MTRF1: variants seen among roughly 807,000 people sequenced by gnomAD.
MTRF1 encodes the protein mitochondrial translation release factor 1, also known as peptide chain release factor 1, mitochondrial.
A neutral mutation model predicts 62.9 loss-of-function variants in MTRF1; 51 were observed. That is an observed-to-expected ratio of 0.81 (90% CI 0.65 to 1.02). The LOEUF (loss-of-function observed/expected upper bound fraction) is 1.02, where lower values mean the gene tolerates loss of function less well. Among genes scored for constraint, MTRF1 ranks in the 50% least tolerant of loss-of-function variants. The probability of loss-of-function intolerance (pLI) is 0.00; values close to 1 mark genes in which losing one functional copy is unlikely to be tolerated. For synonymous variants in MTRF1, 158 were observed against 181.9 expected (o/e 0.87, Z 1.06); for missense variants, 446 against 530.0 (o/e 0.84, Z 1.56).
chr13:41,261,798 C>T (rs1309394847), intron 1 of MTRF1: 2 of 985,016 alleles, frequency 2.0e-6, no homozygotes, highest in African/African-American at 1.7e-5. Flanking sequence ...AATCACTTTT[C>T]AAAAATGCTT....
chr13:41,217,484 A>G (rs73473129), intron 9 of MTRF1, among the ~76,000 whole-genome samples: 3,220 of 152,294 alleles, frequency 0.021, 125 homozygotes, highest in African/African-American at 0.073. Flanking sequence ...CAAAACAAAG[A>G]GATCTAGATG....
rs116450658 is a variant in MTRF1, at chr13:41,217,174, A to C, written c.1279T>G (p.Ser427Ala). ...LDQLIQRLLQ[S>A]ADEEAIAELL... ...TCAGCAATGGCTTCTTCATCTGCTG[A>C]TTGAAGCAGTCTCTGAATTAGCTGA... The change falls in exon 10 of 10, where the codon TCA (serine) becomes GCA (alanine). Residue 427 changes from serine (S) to alanine (A), a missense_variant. Transcript: ENST00000379480. 4,053 of 1,609,618 alleles carry C rather than the reference A, an allele frequency of 2.5e-3. 87 individuals are homozygous for C. The African/African-American group carries it at 0.047, about 19-fold the overall frequency.
At chr13:41,271,099 T>C in the MTRF1 span, among the ~76,000 whole-genome samples, 1 of 149,640 alleles carries the variant, frequency 6.7e-6, no homozygotes, top group Non-Finnish European at 1.5e-5. Flanking sequence ...ACACCCCATA[T>C]AGCTTTTACT....
At chr13:41,303,314 G>T in the MTRF1 span, among the ~76,000 whole-genome samples, 1 of 152,058 alleles carries the variant, frequency 6.6e-6, no homozygotes, top group Non-Finnish European at 1.5e-5. Context: ...AGATCCAAAG[G>T]GGACTTGAAA....
At chr13:41,238,693 A>G (rs1310067108) in intron 6 of MTRF1, among the ~76,000 whole-genome samples, 1 of 152,210 alleles carries the variant, frequency 6.6e-6, no homozygotes, top group Non-Finnish European at 1.5e-5. Flanking sequence ...AGTAATTGCA[A>G]AGGGAGAAAT....
chr13:41,282,365 G>A, the MTRF1 span, among the ~76,000 whole-genome samples: 5 of 151,898 alleles, frequency 3.3e-5, no homozygotes, highest in Non-Finnish European at 7.4e-5. Flanking sequence ...GCCGAGGCAG[G>A]AGGATTGCTT....
chr13:41,285,889 C>A, the MTRF1 span, among the ~76,000 whole-genome samples: 1 of 151,876 alleles, frequency 6.6e-6, no homozygotes, highest in East Asian at 1.9e-4. Flanking sequence ...CATGGTGAAA[C>A]CCCGTCTCTA....
At chr13:41,248,929 CTTG>C (rs1250287183) in intron 5 of MTRF1, among the ~76,000 whole-genome samples, 1 of 152,114 alleles carries the variant, frequency 6.6e-6, no homozygotes, top group Non-Finnish European at 1.5e-5. Context: ...CATAGACTAT[CTTG>C]TTATCATTTA....
the MTRF1 span, among the ~76,000 whole-genome samples, chr13:41,296,701 G>T: frequency 2.6e-5 from 4 of 151,768 alleles, no homozygotes; most frequent in African/African-American, 7.3e-5. Flanking sequence ...TATGATTTTT[G>T]ATTGCTATGT....
intron 2 of MTRF1, among the ~76,000 whole-genome samples, chr13:41,259,378 C>T (rs967930225): frequency 6.6e-6 from 1 of 152,156 alleles, no homozygotes; most frequent in Non-Finnish European, 1.5e-5. Context: ...TATATCCATA[C>T]AATGGAATAT....
intron 7 of MTRF1, among the ~76,000 whole-genome samples, chr13:41,230,887 T>G (rs1327939546): frequency 6.6e-6 from 1 of 152,052 alleles, no homozygotes; most frequent in Non-Finnish European, 1.5e-5. Flanking sequence ...TACACCCAGC[T>G]AATTTTTTTG....
At chr13:41,237,562 TCTC>T (rs1301412151) in intron 6 of MTRF1, among the ~76,000 whole-genome samples, 1 of 152,060 alleles carries the variant, frequency 6.6e-6, no homozygotes, top group African/African-American at 2.4e-5. Flanking sequence ...AATGGCATGA[TCTC>T]AGCTCACTGC....
chr13:41,222,320 G>C (rs917458367), intron 9 of MTRF1, among the ~76,000 whole-genome samples: 3 of 152,126 alleles, frequency 2.0e-5, no homozygotes, highest in East Asian at 1.9e-4. Flanking sequence ...GATTTAGATA[G>C]GTTAATGTTC....
At chr13:41,224,854 T>A (rs2034069204) in intron 8 of MTRF1, among the ~76,000 whole-genome samples, 1 of 152,240 alleles carries the variant, frequency 6.6e-6, no homozygotes, top group African/African-American at 2.4e-5. Context: ...GGCTTGTCAA[T>A]CAGACTACTG....
chr13:41,225,209 CAAAA>C (rs11461910), intron 8 of MTRF1, among the ~76,000 whole-genome samples: 1 of 116,070 alleles, frequency 8.6e-6, no homozygotes, highest in Admixed American at 9.0e-5. Context: ...GAATCTGTCT[CAAAA>C]AAAAAAAAAA....
chr13:41,279,509 A>G, the MTRF1 span, among the ~76,000 whole-genome samples: 1 of 152,126 alleles, frequency 6.6e-6, no homozygotes, highest in East Asian at 1.9e-4. Flanking sequence ...CCTCCCTTCT[A>G]GTTCCTGAGG....
In MTRF1 at chr13:41,254,540, A is replaced by G. The variant is rs1364625388; in HGVS notation, c.496T>C (p.Leu166=). Reference sequence around the variant, plus strand: ...CTCTGAAAACCTACCTCATTGTACAACATGTTGATTTTTTGATCAATGGTT... The same window carrying G: ...CTCTGAAAACCTACCTCATTGTACAGCATGTTGATTTTTTGATCAATGGTT... The part of the protein sequence containing the change: ...RQTIDQKINM[L]YNELFQSLVP... Residue 166 remains leucine (L), a synonymous_variant, in exon 3 of 10, where the codon TTG becomes CTG. Transcript: ENST00000379480. The G allele has an allele frequency of 6.2e-7, 1 of 1,613,166 alleles. No homozygotes were observed. The highest frequency in any genetic ancestry group is 1.7e-5 in the Admixed American group (1 of 59,980).
chr13:41,282,175 T>A, the MTRF1 span, among the ~76,000 whole-genome samples: 1 of 147,392 alleles, frequency 6.8e-6, no homozygotes, highest in Non-Finnish European at 1.5e-5. Context: ...GACTAACAGC[T>A]CTGGGAATAG....
chr13:41,286,088 CAAAAAAAAAAA>C, the MTRF1 span, among the ~76,000 whole-genome samples: 1 of 110,064 alleles, frequency 9.1e-6, no homozygotes, highest in Admixed American at 9.9e-5. Context: ...ACAACAACAA[CAAAAAAAAAAA>C]AAAAAAAGGG....
Sources: allele counts gnomAD v4.1 joint callset (sites outside exome capture counted in the v4.1 genomes callset), GRCh38; gene constraint gnomAD v4.1.1; transcripts MANE v1.5; gene names NCBI Gene and HGNC (gene_info 2026-07-23, HGNC 2026-07-21).